Variants in EGFLAM observed in about 807,000 individuals in gnomAD.
The protein encoded by EGFLAM is pikachurin.
In EGFLAM, 79 loss-of-function variants were observed where a neutral mutation model predicts 113.1. The ratio of observed to expected loss-of-function variants is 0.70; its 90% CI spans 0.58 to 0.84. The LOEUF (loss-of-function observed/expected upper bound fraction) is 0.84, where lower values mean the gene tolerates loss of function less well. Among genes scored for constraint, EGFLAM ranks in the 40% least tolerant of loss-of-function variants. The probability of loss-of-function intolerance (pLI) is 0.00; values close to 1 mark genes in which losing one functional copy is unlikely to be tolerated. For missense variants in EGFLAM, 1,265 were observed against 1,291.6 expected, an observed-to-expected ratio of 0.98 and a Z score of 0.32; for synonymous variants, 504 against 487.6, an observed-to-expected ratio of 1.03 and a Z score of -0.44.
intron 14 of EGFLAM, among the ~76,000 whole-genome samples, chr5:38,428,982 G>A (rs1048743214): frequency 6.6e-6 from 1 of 152,108 alleles, no homozygotes; most frequent in African/African-American, 2.4e-5. Flanking sequence ...GATTACTCTT[G>A]GTGTTTCAGA....
chr5:38,410,572 C>A (rs1192670954), intron 10 of EGFLAM, among the ~76,000 whole-genome samples: 1 of 152,170 alleles, frequency 6.6e-6, no homozygotes, highest in Non-Finnish European at 1.5e-5. Context: ...TCCTTCCCCA[C>A]CGGCAGTCTC....
intron 6 of EGFLAM, among the ~76,000 whole-genome samples, chr5:38,391,689 G>A (rs891193965): frequency 1.3e-5 from 2 of 152,070 alleles, no homozygotes; most frequent in Non-Finnish European, 2.9e-5. Context: ...GAGCCACTGC[G>A]CCCGGCCTTA....
intron 1 of EGFLAM, among the ~76,000 whole-genome samples, chr5:38,311,924 A>G (rs1738454895): frequency 6.6e-6 from 1 of 152,168 alleles, no homozygotes; most frequent in Admixed American, 6.5e-5. Flanking sequence ...TGGGACTTAT[A>G]TATATATTGT....
intron 6 of EGFLAM, among the ~76,000 whole-genome samples, chr5:38,378,433 G>A (rs150544695): frequency 1.3e-5 from 2 of 152,250 alleles, no homozygotes; most frequent in East Asian, 1.9e-4. Flanking sequence ...ATCCCTGTTC[G>A]CAAGTGAGGA....
intron 6 of EGFLAM, 88 bp downstream of exon 6, chr5:38,370,550 G>A: frequency 3.4e-6 from 5 of 1,466,180 alleles, no homozygotes; most frequent in Non-Finnish European, 4.6e-6. Flanking sequence ...ATGCCGTGCA[G>A]AAGGACAGCC....
intron 6 of EGFLAM, chr5:38,403,953 C>G: frequency 1.9e-6 from 3 of 1,612,490 alleles, no homozygotes; most frequent in Non-Finnish European, 2.5e-6. Flanking sequence ...TTAAATAAAA[C>G]TGGGGAATTG....
chr5:38,352,869 G>A lies in EGFLAM; in HGVS notation c.545+538G>A, dbSNP rs181548277. The stretch of plus-strand genomic sequence containing the variant: ...CACATACCTCTTCCTCATTTCCCTG[G>A]CACAATCAGAGACTATTCTAGGCTC... On this transcript the variant is annotated intron_variant, in intron 5 of 21. Coordinates refer to ENST00000322350, the MANE Select transcript of EGFLAM (RefSeq NM_152403.4). Among the ~76,000 whole-genome samples, 19 of 152,184 alleles carry A rather than the reference G, an allele frequency of 1.2e-4. No individual in the cohort carries two copies. In the East Asian group the frequency reaches 3.7e-3, roughly 29 times the overall value.
chr5:38,403,866 G>A (rs765629205), intron 6 of EGFLAM: 2 of 1,613,812 alleles, frequency 1.2e-6, no homozygotes, highest in East Asian at 4.5e-5. Context: ...GCTGCATGCA[G>A]GTGGCTTGAG....
chr5:38,417,361 A>AAC (rs1741682675), intron 11 of EGFLAM, among the ~76,000 whole-genome samples: 2 of 148,928 alleles, frequency 1.3e-5, no homozygotes, highest in Non-Finnish European at 3.0e-5. Context: ...AAAAAAAAAA[A>AAC]AAAAAAAACA....
intron 12 of EGFLAM, among the ~76,000 whole-genome samples, chr5:38,419,807 C>T (rs991684255): frequency 1.3e-5 from 2 of 152,096 alleles, no homozygotes; most frequent in Non-Finnish European, 2.9e-5. Context: ...GCAGGCAGAT[C>T]ACGTGAGGTC....
chr5:38,410,551 C>T (rs753206584), intron 10 of EGFLAM, among the ~76,000 whole-genome samples: 1 of 152,122 alleles, frequency 6.6e-6, no homozygotes, highest in South Asian at 2.1e-4. Context: ...AAGGAAAATG[C>T]CGGCTACGAC....
chr5:38,273,583 G>A (rs1220361711), intron 1 of EGFLAM, among the ~76,000 whole-genome samples: 1 of 152,236 alleles, frequency 6.6e-6, no homozygotes, highest in African/African-American at 2.4e-5. Flanking sequence ...TAGCAGCCAT[G>A]GGACTTCAGT....
In EGFLAM at chr5:38,351,170, G is replaced by A. The variant is rs78069127; in HGVS notation, c.409+552G>A. On this transcript the variant is annotated intron_variant, in intron 4 of 21. Transcript: ENST00000322350. Reference sequence around the variant, plus strand: ...GTCACCCAGGCTGGAGTGTAGTGGCGCGACCTTGGCTCACTGCAACCTCCA... The same window carrying A: ...GTCACCCAGGCTGGAGTGTAGTGGCACGACCTTGGCTCACTGCAACCTCCA... Among the ~76,000 whole-genome samples the A allele has an allele frequency of 3.7e-3, 555 of 149,552 alleles. 17 individuals carry two copies. In the East Asian group the frequency reaches 0.072, roughly 19 times the overall value.
At chr5:38,327,216 A>G (rs894565972) in intron 1 of EGFLAM, among the ~76,000 whole-genome samples, 5 of 152,242 alleles carry the variant, frequency 3.3e-5, no homozygotes, top group African/African-American at 1.2e-4. Flanking sequence ...GACTGCAAAC[A>G]TGAGACAGCA....
chr5:38,439,870 T>G (rs1742476680), intron 17 of EGFLAM, among the ~76,000 whole-genome samples: 1 of 152,196 alleles, frequency 6.6e-6, no homozygotes, highest in African/African-American at 2.4e-5. Context: ...CACAGGAGCA[T>G]CCAATTTGTG....
At chr5:38,329,351 A>T (rs1056516446) in intron 1 of EGFLAM, among the ~76,000 whole-genome samples, 4 of 151,998 alleles carry the variant, frequency 2.6e-5, no homozygotes, top group African/African-American at 9.7e-5. Flanking sequence ...TAAAAGTCTG[A>T]TTTTTAAAAT....
At chr5:38,354,073 T>G (rs1394493182) in intron 5 of EGFLAM, among the ~76,000 whole-genome samples, 1 of 152,118 alleles carries the variant, frequency 6.6e-6, no homozygotes, top group Non-Finnish European at 1.5e-5. Context: ...GTGGATTGAG[T>G]ATTCAAGAGG....
In EGFLAM at chr5:38,453,276, T is replaced by A. The variant is rs564525512; in HGVS notation, c.2687+1818T>A. On this transcript the variant is annotated intron_variant, in intron 19 of 21. Transcript: ENST00000322350. ...TTCACCCTCTGATGACTAGCTCAAG[T>A]GTTTGCTAAATGATATGAAAGTAAT... Among the ~76,000 whole-genome samples, 63 of 152,300 alleles carry A rather than the reference T, an allele frequency of 4.1e-4. 2 individuals are homozygous for A. The highest frequency in any genetic ancestry group is 1.5e-3 in the African/African-American group (61 of 41,568).
chr5:38,338,622 T>C, intron 2 of EGFLAM, 76 bp from the exon 3 acceptor site: 2 of 1,378,274 alleles, frequency 1.5e-6, no homozygotes, highest in Non-Finnish European at 2.1e-6. Context: ...CTGCTGCCAC[T>C]GTGAGTGCAA....
Sources: allele counts gnomAD v4.1 joint callset (sites outside exome capture counted in the v4.1 genomes callset), GRCh38; gene constraint gnomAD v4.1.1; transcripts MANE v1.5; gene names NCBI Gene and HGNC (gene_info 2026-07-23, HGNC 2026-07-21).